GTF2IRD1: variants seen among roughly 807,000 people sequenced by gnomAD.
GTF2IRD1 encodes GTF2I repeat domain containing 1, also known as general transcription factor II-I repeat domain-containing protein 1.
In GTF2IRD1, 26 loss-of-function variants were observed where a neutral mutation model predicts 113.2. That is an observed-to-expected ratio of 0.23 (90% CI 0.17 to 0.32). The LOEUF (loss-of-function observed/expected upper bound fraction) is 0.32, where lower values mean the gene tolerates loss of function less well. Ranked by LOEUF, GTF2IRD1 falls within the 10% of genes least tolerant of loss-of-function variation. GTF2IRD1 has a pLI of 1.00. For synonymous variants in GTF2IRD1, 484 were observed against 529.1 expected (o/e 0.91, Z 1.17); for missense variants, 864 against 1,280.8 (o/e 0.67, Z 4.97).
chr7:74,520,029 G>A lies in GTF2IRD1; in HGVS notation c.916+310G>A, dbSNP rs186905149. On this transcript the variant is annotated intron_variant, in intron 6 of 26. Coordinates refer to ENST00000424337, the MANE Select transcript of GTF2IRD1 (RefSeq NM_005685.4). ...CACCTGAGCCCAGGAGTTTGAGGCT[G>A]CATTGAGCTATGATTGCACACCTCT... 2.1e-5 allele frequency among the ~76,000 whole-genome samples: 3 copies of A among 139,836 alleles called. No homozygotes were observed. In the East Asian group the frequency reaches 6.7e-4, roughly 31 times the overall value. 91.7% of individuals were successfully genotyped at this position (139,836 alleles called of 152,430 possible).
chr7:74,498,607 C>G, intron 1 of GTF2IRD1, among the ~76,000 whole-genome samples: 1 of 152,108 alleles, frequency 6.6e-6, no homozygotes, highest in Non-Finnish European at 1.5e-5. Flanking sequence ...TCAGGCCCCT[C>G]CTCCCCCAAA....
intron 12 of GTF2IRD1, 78 bp downstream of exon 12, chr7:74,538,251 G>A: frequency 2.1e-6 from 3 of 1,420,356 alleles, no homozygotes; most frequent in East Asian, 2.3e-5. Flanking sequence ...GCCTTGGGGA[G>A]GAGCTCAACT....
chr7:74,550,448 C>T (rs1172057855), intron 17 of GTF2IRD1, among the ~76,000 whole-genome samples: 1 of 150,982 alleles, frequency 6.6e-6, no homozygotes, highest in African/African-American at 2.4e-5. Context: ...ATTAGCCAGG[C>T]TTGGTGGTGT....
chr7:74,601,177 CGTG>C lies in GTF2IRD1; in HGVS notation c.2766_2766+2del, dbSNP rs782411353. The stretch of plus-strand genomic sequence containing the variant: ...TGGCATCGGCCAACCAGATCTCACT[CGTG>C]GTAAAGTTGCACCGATTTGGACTCC... On this transcript the variant is annotated inframe_deletion and splice_region_variant, in exon 26 of 27. Transcript: ENST00000424337. 2 of 1,585,156 alleles carry C rather than the reference CGTG, an allele frequency of 1.3e-6. No homozygotes were observed. The highest frequency in any genetic ancestry group is 1.8e-5 in the Admixed American group (1 of 54,676).
intron 9 of GTF2IRD1, among the ~76,000 whole-genome samples, chr7:74,531,093 T>C (rs1224802069): frequency 6.7e-5 from 10 of 149,838 alleles, no homozygotes; most frequent in Admixed American, 6.0e-4. Context: ...AGGCCAGGCA[T>C]GGTGGCCTGG....
chr7:74,576,139 A>T (rs1801044703), intron 22 of GTF2IRD1, among the ~76,000 whole-genome samples: 1 of 151,962 alleles, frequency 6.6e-6, no homozygotes, highest in South Asian at 2.1e-4. Context: ...CAGCGTGGGA[A>T]ACAGAGTGAG....
chr7:74,509,501 T>C (rs2299952), intron 2 of GTF2IRD1, among the ~76,000 whole-genome samples: 15,354 of 151,338 alleles, frequency 0.1, 1,906 homozygotes, highest in East Asian at 0.39. Flanking sequence ...CCACTGCACT[T>C]CAGCCTGGGC....
intron 1 of GTF2IRD1, among the ~76,000 whole-genome samples, chr7:74,504,866 C>G (rs1796223511): frequency 6.6e-6 from 1 of 151,696 alleles, no homozygotes; most frequent in African/African-American, 2.4e-5. Context: ...CGCCACCACG[C>G]CAGGCTAATT....
At chr7:74,599,656 C>T (rs1802627835) in intron 25 of GTF2IRD1, among the ~76,000 whole-genome samples, 1 of 152,152 alleles carries the variant, frequency 6.6e-6, no homozygotes. Flanking sequence ...GACCACCATA[C>T]ATTAGTGATA....
At chr7:74,594,844 C>T (rs1235445926) in intron 24 of GTF2IRD1, among the ~76,000 whole-genome samples, 170 bp from the exon 25 acceptor site, 1 of 151,628 alleles carries the variant, frequency 6.6e-6, no homozygotes, top group Non-Finnish European at 1.5e-5. Context: ...CCCAGCTACT[C>T]GGGAGGCTGA....
At position 74,482,808 on chromosome 7, in the gene GTF2IRD1, G is replaced by A. The variant is rs575564771; in HGVS notation, c.-6-25267G>A. ...TTCATCATCCTTGCGAGATTCCACC[G>A]TGGTGTTGCGTGTCTTTGTGGTTTG... On this transcript the variant is annotated intron_variant, in intron 1 of 26. Coordinates refer to ENST00000424337, the MANE Select transcript of GTF2IRD1 (RefSeq NM_005685.4). 1.4e-4 allele frequency among the ~76,000 whole-genome samples: 21 copies of A among 152,228 alleles called. No individual in the cohort carries two copies. In the South Asian group the frequency reaches 3.5e-3, roughly 26 times the overall value.
intron 24 of GTF2IRD1, among the ~76,000 whole-genome samples, chr7:74,592,906 G>A (rs587759731): frequency 3.9e-5 from 6 of 152,020 alleles, no homozygotes; most frequent in South Asian, 2.1e-4. Flanking sequence ...CGCCCTGGCT[G>A]GAGTGCAGTG....
At chr7:74,494,013 G>T (rs1405844646) in intron 1 of GTF2IRD1, among the ~76,000 whole-genome samples, 2 of 152,186 alleles carry the variant, frequency 1.3e-5, no homozygotes, top group Non-Finnish European at 2.9e-5. Flanking sequence ...GCGTCAGCCT[G>T]GTGTGCCCTC....
chr7:74,505,160 T>C (rs540816906), intron 1 of GTF2IRD1, among the ~76,000 whole-genome samples: 129 of 152,246 alleles, frequency 8.5e-4, no homozygotes, highest in African/African-American at 3.1e-3. Context: ...GCTGGGACTA[T>C]AAGCATGAAC....
At chr7:74,587,503 T>C (rs782588784) in intron 22 of GTF2IRD1, among the ~76,000 whole-genome samples, 2 of 151,900 alleles carry the variant, frequency 1.3e-5, no homozygotes, top group African/African-American at 4.8e-5. Flanking sequence ...ATCAGTCTGC[T>C]CTGCCCTGAA....
At chr7:74,587,519 C>T (rs587600636) in intron 22 of GTF2IRD1, among the ~76,000 whole-genome samples, 5 of 152,130 alleles carry the variant, frequency 3.3e-5, no homozygotes, top group African/African-American at 7.2e-5. Flanking sequence ...CTGAATCATC[C>T]GGCCCTGGCT....
intron 1 of GTF2IRD1, among the ~76,000 whole-genome samples, chr7:74,463,525 C>T (rs1446815247): frequency 2.0e-5 from 3 of 152,052 alleles, no homozygotes; most frequent in African/African-American, 4.8e-5. Flanking sequence ...TGAGCCACTG[C>T]GTCCTGCCTG....
At chr7:74,524,214 G>T (rs1358061773) in intron 8 of GTF2IRD1, 60 bp downstream of exon 8, 2 of 1,181,340 alleles carry the variant, frequency 1.7e-6, no homozygotes, top group Non-Finnish European at 2.5e-6. Flanking sequence ...ATCTCATTAC[G>T]TGGCAATCAC....
intron 1 of GTF2IRD1, among the ~76,000 whole-genome samples, chr7:74,478,288 G>T (rs1455388535): frequency 6.6e-6 from 1 of 152,218 alleles, no homozygotes; most frequent in Non-Finnish European, 1.5e-5. Flanking sequence ...GTCAGCTTGA[G>T]CAATCGTCCC....
Sources: gnomAD v4.1 joint callset for allele counts (sites outside exome capture counted in the v4.1 genomes callset) on GRCh38, gnomAD v4.1.1 for gene constraint, MANE v1.5 for transcripts, NCBI Gene and HGNC (gene_info 2026-07-23, HGNC 2026-07-21) for gene names.